Variants in HDAC4 observed in about 807,000 individuals in gnomAD.
HDAC4 encodes histone deacetylase A.
A neutral mutation model predicts 135.1 loss-of-function variants in HDAC4; 16 were observed. The observed-to-expected ratio is 0.12, with a 90% CI of 0.08 to 0.18. HDAC4 has a LOEUF of 0.18. Among genes scored for constraint, HDAC4 ranks in the 10% least tolerant of loss-of-function variants. The pLI, the probability that HDAC4 is intolerant of heterozygous loss-of-function variation, is 1.00. For synonymous variants in HDAC4, 685 were observed against 653.4 expected (o/e 1.05, Z -0.74); for missense variants, 1,143 against 1,511.8 (o/e 0.76, Z 4.05).
At chr2:239,089,794 G>A (rs1180247410) in intron 18 of HDAC4, 2 of 498,580 alleles carry the variant, frequency 4.0e-6, no homozygotes, top group African/African-American at 4.0e-5. Flanking sequence ...CCAAATCATT[G>A]AGAATCTCTG....
chr2:239,163,711 G>A (rs1254268034), intron 6 of HDAC4, 92 bp downstream of exon 6: 3 of 1,333,606 alleles, frequency 2.2e-6, no homozygotes, highest in African/African-American at 2.9e-5. Flanking sequence ...TGCCTCCGGT[G>A]AAGAGCTGGC....
chr2:239,213,657 A>C (rs2046463485), intron 3 of HDAC4, among the ~76,000 whole-genome samples: 1 of 152,232 alleles, frequency 6.6e-6, no homozygotes, highest in Non-Finnish European at 1.5e-5. Flanking sequence ...CTTACGCTGG[A>C]AAACCCAGCA....
intron 2 of HDAC4, among the ~76,000 whole-genome samples, chr2:239,344,865 G>GT (rs1692513128): frequency 6.6e-6 from 1 of 152,132 alleles, no homozygotes; most frequent in African/African-American, 2.4e-5. Context: ...TCCAGTTGAT[G>GT]TAGGGCTGGT....
intron 2 of HDAC4, among the ~76,000 whole-genome samples, chr2:239,339,153 CT>C (rs1255851966): frequency 2.0e-5 from 3 of 152,250 alleles, no homozygotes; most frequent in African/African-American, 7.2e-5. Flanking sequence ...CAGCCACCTG[CT>C]GTTCCTATCC....
chr2:239,341,241 T>C (rs938366), intron 2 of HDAC4, among the ~76,000 whole-genome samples: 16,146 of 152,288 alleles, frequency 0.11, 1,587 homozygotes, highest in East Asian at 0.43. Context: ...TGGAAGCACA[T>C]GAGAGAGACG....
intron 8 of HDAC4, among the ~76,000 whole-genome samples, chr2:239,143,757 G>A (rs184484455): frequency 1.3e-5 from 2 of 152,296 alleles, no homozygotes; most frequent in East Asian, 1.9e-4. Flanking sequence ...GCCCCTCCCC[G>A]GCTTCCCTAG....
At chr2:239,326,494 A>T (rs2053473652) in intron 2 of HDAC4, among the ~76,000 whole-genome samples, 2 of 152,360 alleles carry the variant, frequency 1.3e-5, no homozygotes, top group East Asian at 3.9e-4. Context: ...TGCGCTTCAA[A>T]ATGCTTAGAA....
Position 239,230,833 on chromosome 2 carries a change from C to T in HDAC4, c.94+5760G>A, listed in dbSNP as rs1355485135. The stretch of plus-strand genomic sequence containing the variant: ...CTTCCCCTGAGGTCACACGTCCTTG[C>T]AGATTTGTACCAGATTCCACTTTCT... On this transcript the variant is annotated intron_variant, in intron 3 of 26. Coordinates refer to ENST00000543185, the MANE Select transcript of HDAC4 (RefSeq NM_001378414.1). 2.0e-5 allele frequency among the ~76,000 whole-genome samples: 3 copies of T among 152,326 alleles called. No homozygotes were observed. In the South Asian group the frequency reaches 6.2e-4, roughly 32 times the overall value.
At chr2:239,270,746 C>T (rs1040628664) in intron 2 of HDAC4, among the ~76,000 whole-genome samples, 8 of 152,122 alleles carry the variant, frequency 5.3e-5, no homozygotes, top group South Asian at 4.1e-4. Flanking sequence ...AGGAGTAAGA[C>T]GACCTGTTGA....
At chr2:239,369,611 C>T (rs940772218) in intron 1 of HDAC4, among the ~76,000 whole-genome samples, 6 of 152,180 alleles carry the variant, frequency 3.9e-5, no homozygotes, top group Admixed American at 1.3e-4. Context: ...AATCAAGAGA[C>T]GGGTCAAGCC....
chr2:239,130,056 C>T (rs2152863883), intron 11 of HDAC4, among the ~76,000 whole-genome samples: 1 of 152,340 alleles, frequency 6.6e-6, no homozygotes, highest in African/African-American at 2.4e-5. Context: ...AGAAGTCCAT[C>T]TGGTGTATTC....
chr2:239,321,300 C>T (rs2053300137), intron 2 of HDAC4, among the ~76,000 whole-genome samples: 1 of 151,876 alleles, frequency 6.6e-6, no homozygotes, highest in African/African-American at 2.4e-5. Flanking sequence ...CCCGTCTCTA[C>T]TAAAAATACA....
chr2:239,226,233 A>G (rs2047233048), intron 3 of HDAC4, among the ~76,000 whole-genome samples: 1 of 152,182 alleles, frequency 6.6e-6, no homozygotes, highest in African/African-American at 2.4e-5. Flanking sequence ...CCTGGATAAT[A>G]CTTTTGGCCA....
rs1342279459 is a variant in HDAC4 at position 239,223,825 on chromosome 2, G to T, written c.94+12768C>A. Among the ~76,000 whole-genome samples the T allele has an allele frequency of 2.7e-5, 4 of 150,338 alleles. No homozygotes were observed. In the South Asian group the frequency reaches 8.4e-4, roughly 32 times the overall value. On this transcript the variant is annotated intron_variant, in intron 3 of 26. Coordinates refer to ENST00000543185, the MANE Select transcript of HDAC4 (RefSeq NM_001378414.1). The stretch of plus-strand genomic sequence containing the variant: ...CTTTACAAAGTAGGATTTGGTAGAA[G>T]ATGCATGCCAGCACTAAGCAAACAT...
intron 2 of HDAC4, among the ~76,000 whole-genome samples, chr2:239,304,415 TTAATAA>T (rs1245408636): frequency 6.6e-6 from 1 of 152,216 alleles, no homozygotes. Flanking sequence ...ACTTTCATTA[TTAATAA>T]TTTGAAAAAG....
At chr2:239,234,828 C>T (rs534402504) in intron 3 of HDAC4, among the ~76,000 whole-genome samples, 2 of 152,258 alleles carry the variant, frequency 1.3e-5, no homozygotes, top group Admixed American at 1.3e-4. Context: ...TTGAAGCCCA[C>T]CTTTTTTGGT....
intron 19 of HDAC4, among the ~76,000 whole-genome samples, chr2:239,086,445 C>G (rs1263606019): frequency 1.3e-5 from 2 of 151,926 alleles, no homozygotes; most frequent in Non-Finnish European, 2.9e-5. Flanking sequence ...AGAATCTGCT[C>G]TAACACGCGG....
At chr2:239,310,113 C>A (rs936916411) in intron 2 of HDAC4, among the ~76,000 whole-genome samples, 5 of 152,356 alleles carry the variant, frequency 3.3e-5, no homozygotes, top group African/African-American at 1.2e-4. Context: ...AACCCCAGGA[C>A]CCCCTGCTGG....
At chr2:239,278,359 A>G (rs1032940131) in intron 2 of HDAC4, among the ~76,000 whole-genome samples, 3 of 152,232 alleles carry the variant, frequency 2.0e-5, no homozygotes, top group Non-Finnish European at 4.4e-5. Context: ...ATTGGTAAAG[A>G]AAAGGATAAT....
Sources: allele counts gnomAD v4.1 joint callset (sites outside exome capture counted in the v4.1 genomes callset), GRCh38; gene constraint gnomAD v4.1.1; transcripts MANE v1.5; gene names NCBI Gene and HGNC (gene_info 2026-07-23, HGNC 2026-07-21).